The following GON4L variants were observed in gnomAD, a reference collection of about 807,000 sequenced individuals.
GON4L encodes GON-4-like protein.
A neutral mutation model predicts 211.8 loss-of-function variants in GON4L; 87 were observed. That is an observed-to-expected ratio of 0.41 (90% CI 0.35 to 0.49). The LOEUF (loss-of-function observed/expected upper bound fraction) is 0.49, where lower values mean the gene tolerates loss of function less well. Among genes scored for constraint, GON4L ranks in the 20% least tolerant of loss-of-function variants. The pLI is 0.15. For missense variants in GON4L, 2,155 were observed against 2,659.5 expected (o/e 0.81, Z 4.17); for synonymous variants, 875 against 962.6 (o/e 0.91, Z 1.68).
At chr1:155,797,049 G>A (rs1006080666) in intron 11 of GON4L, among the ~76,000 whole-genome samples, 1 of 152,074 alleles carries the variant, frequency 6.6e-6, no homozygotes, top group Non-Finnish European at 1.5e-5. Context: ...CACCCACAGA[G>A]TATCTAGAAA....
At chr1:155,851,250 A>G (rs1671761585) in intron 2 of GON4L, among the ~76,000 whole-genome samples, 1 of 149,860 alleles carries the variant, frequency 6.7e-6, no homozygotes, top group African/African-American at 2.5e-5. Context: ...GCTACTCGGG[A>G]GGCTGAGGCA....
At chr1:155,814,012 T>C (rs1022825660) in intron 9 of GON4L, among the ~76,000 whole-genome samples, 1 of 152,242 alleles carries the variant, frequency 6.6e-6, no homozygotes, top group Non-Finnish European at 1.5e-5. Context: ...GTCAACAGAA[T>C]GCTACTTAGT....
intron 3 of GON4L, among the ~76,000 whole-genome samples, chr1:155,825,489 T>C (rs1245451148): frequency 6.7e-6 from 1 of 150,008 alleles, no homozygotes; most frequent in South Asian, 2.1e-4. Context: ...GGAGAATCGC[T>C]GGAACCCGGA....
intron 7 of GON4L, 53 bp from the exon 8 acceptor site, chr1:155,815,953 G>T: frequency 1.8e-6 from 2 of 1,090,384 alleles, no homozygotes; most frequent in Non-Finnish European, 2.8e-6. Context: ...CAAATCATAC[G>T]TATTTGGAAA....
chr1:155,763,126 G>A (rs2101711093), intron 22 of GON4L, among the ~76,000 whole-genome samples, 186 bp downstream of exon 22: 1 of 152,282 alleles, frequency 6.6e-6, no homozygotes, highest in African/African-American at 2.4e-5. Context: ...AAAAATTTCT[G>A]AGTATCTGTT....
intron 2 of GON4L, among the ~76,000 whole-genome samples, chr1:155,850,948 T>C (rs1050439504): frequency 2.0e-5 from 3 of 150,054 alleles, no homozygotes; most frequent in Admixed American, 6.7e-5. Context: ...TCCTAGCTAC[T>C]TGGGAGGCTG....
intron 2 of GON4L, among the ~76,000 whole-genome samples, chr1:155,841,999 G>A (rs1467830149): frequency 6.6e-6 from 1 of 151,950 alleles, no homozygotes; most frequent in Non-Finnish European, 1.5e-5. Flanking sequence ...CTGCACTACA[G>A]CCTGAGTGAC....
At chr1:155,784,452 C>A (rs1445737742) in intron 13 of GON4L, 3 of 211,492 alleles carry the variant, frequency 1.4e-5, no homozygotes, top group Non-Finnish European at 1.7e-5. Flanking sequence ...GTGGCACAAT[C>A]TGGGCTTACT....
At chr1:155,757,778 G>A (rs1661348916) in intron 25 of GON4L, 113 bp downstream of exon 25, 1 of 151,698 alleles carries the variant, frequency 6.6e-6, no homozygotes, top group Non-Finnish European at 1.2e-5. Flanking sequence ...TCTCCTCCAG[G>A]AAGCCCATGA....
intron 20 of GON4L, 25 bp downstream of exon 20, chr1:155,767,400 C>G (rs1039179757): frequency 3.1e-6 from 5 of 1,613,916 alleles, no homozygotes; most frequent in Non-Finnish European, 4.2e-6. Flanking sequence ...CTGCCTCCTA[C>G]AGACTTCGAG....
chr1:155,763,046 TA>T (rs1023650376), intron 22 of GON4L, among the ~76,000 whole-genome samples: 41 of 149,876 alleles, frequency 2.7e-4, no homozygotes, highest in Admixed American at 1.8e-3. Context: ...AAAAAAAAAA[TA>T]AAAAAATAAA....
intron 16 of GON4L, among the ~76,000 whole-genome samples, chr1:155,775,844 G>A (rs1663764507): frequency 6.6e-6 from 1 of 152,052 alleles, no homozygotes. Context: ...GAGTGCAGTG[G>A]CGCGATCTCA....
chr1:155,749,246 C>G (rs986132239), downstream of GON4L: 1 of 1,550,470 alleles, frequency 6.4e-7, no homozygotes, highest in African/African-American at 1.4e-5. Flanking sequence ...GAGCAAAACT[C>G]TGTCTCAAAA....
chr1:155,754,222 C>T lies in GON4L; in HGVS notation c.5631+153G>A, dbSNP rs1660911947. The T allele has an allele frequency of 1.6e-5, 11 of 695,902 alleles. No individual in the cohort carries two copies. In the South Asian group the frequency reaches 1.6e-4, roughly 10 times the overall value. The allele number at this position is 695,902 out of a possible 1,614,324, so 43.1% of individuals were successfully genotyped here. A position where few individuals can be genotyped will look rare whatever the true frequency, so the allele number is the denominator to read the frequency against. On this transcript the variant is annotated intron_variant, in intron 28 of 31. Transcript: ENST00000368331. ...AACAAAATCTATCACGTATTTCTAG[C>T]AGATTCCATTTATTTTGCATATGTA...
At chr1:155,825,553 C>T (rs1571871746) in intron 3 of GON4L, among the ~76,000 whole-genome samples, 1 of 135,098 alleles carries the variant, frequency 7.4e-6, no homozygotes, top group Non-Finnish European at 1.6e-5. Context: ...GTCTGGGTGA[C>T]AGAGCAAGAC....
At chr1:155,771,009 T>G in intron 19 of GON4L, 58 bp downstream of exon 19, 1 of 1,608,866 alleles carries the variant, frequency 6.2e-7, no homozygotes, top group Non-Finnish European at 8.5e-7. Context: ...AATAACAAGA[T>G]AAAAGAATGG....
intron 11 of GON4L, among the ~76,000 whole-genome samples, chr1:155,800,644 G>A (rs190246944): frequency 1.8e-3 from 273 of 152,184 alleles, no homozygotes; most frequent in Non-Finnish European, 2.5e-3. Context: ...AGAAGGTCAG[G>A]AGTTCGAGAC....
intron 2 of GON4L, among the ~76,000 whole-genome samples, chr1:155,852,237 C>T (rs1671865513): frequency 6.6e-6 from 1 of 151,762 alleles, no homozygotes; most frequent in Non-Finnish European, 1.5e-5. Flanking sequence ...TCCTTTTCTG[C>T]CAGTCTATCT....
At position 155,765,106 on chromosome 1, in the gene GON4L, C is replaced by T. The variant is rs1390534745; in HGVS notation, c.4367G>A (p.Gly1456Glu). 3.1e-6 allele frequency: 5 copies of T among 1,614,124 alleles called. No homozygotes were observed. Among genetic ancestry groups the T allele is most frequent in the Admixed American group, 1.7e-5 (1 of 60,008 alleles). Residue 1456 changes from glycine (G) to glutamate (E), a missense_variant, in exon 21 of 32, where the codon GGG becomes GAG. By Grantham distance (98) the Gly-to-Glu change is moderately conservative. Coordinates refer to ENST00000368331, the MANE Select transcript of GON4L (RefSeq NM_001282860.2). ...GTCCTCTTCTTCCTCTTCTTCTGGC[C>T]CATTCTTCTCTCCTCCAGTTTCTGG... ...VGPETGGEKN[G>E]PEEEEEEDFD...
Sources: allele counts gnomAD v4.1 joint callset (sites outside exome capture counted in the v4.1 genomes callset), GRCh38; gene constraint gnomAD v4.1.1; transcripts MANE v1.5; gene names NCBI Gene and HGNC (gene_info 2026-07-23, HGNC 2026-07-21).